CTNNA3: variants seen among roughly 807,000 people sequenced by gnomAD.
CTNNA3 encodes the protein catenin alpha-3.
A neutral mutation model predicts 95.7 loss-of-function variants in CTNNA3; 76 were observed. The observed-to-expected ratio is 0.79, with a 90% confidence interval of 0.66 to 0.96. The LOEUF (loss-of-function observed/expected upper bound fraction) is 0.96, where lower values mean the gene tolerates loss of function less well. Among genes scored for constraint, CTNNA3 ranks in the 40% least tolerant of loss-of-function variants. The probability of loss-of-function intolerance (pLI) is 0.00; values close to 1 mark genes in which losing one functional copy is unlikely to be tolerated. For missense variants in CTNNA3, 1,191 were observed against 1,089.8 expected, an observed-to-expected ratio of 1.09 and a Z score of -1.31; for synonymous variants, 431 against 374.4, an observed-to-expected ratio of 1.15 and a Z score of -1.74.
At chr10:66,447,915 G>C (rs760697816) in intron 11 of CTNNA3, among the ~76,000 whole-genome samples, 1 of 152,050 alleles carries the variant, frequency 6.6e-6, no homozygotes, top group African/African-American at 2.4e-5. Flanking sequence ...GAATATTTTC[G>C]CAACCTACTC....
chr10:66,389,963 T>C (rs2132526344), intron 11 of CTNNA3, among the ~76,000 whole-genome samples: 1 of 152,230 alleles, frequency 6.6e-6, no homozygotes, highest in East Asian at 1.9e-4. Context: ...ATCGACCTCC[T>C]CGCCTCAAGC....
At chr10:66,396,249 A>G (rs1409225183) in intron 11 of CTNNA3, among the ~76,000 whole-genome samples, 1 of 152,050 alleles carries the variant, frequency 6.6e-6, no homozygotes, top group Non-Finnish European at 1.5e-5. Context: ...CATATGCAGG[A>G]GCCAAAATCT....
At chr10:66,065,547 TG>T (rs2080296977) in intron 15 of CTNNA3, among the ~76,000 whole-genome samples, 2 of 152,196 alleles carry the variant, frequency 1.3e-5, no homozygotes, top group South Asian at 4.1e-4. Context: ...ATCTACTAAT[TG>T]CCAAACTAGT....
In CTNNA3 at chr10:67,576,704, C is replaced by T. The variant is rs886290732; in HGVS notation, c.292+30153G>A. 2.9e-5 allele frequency among the ~76,000 whole-genome samples: 3 copies of T among 102,292 alleles called. No individual in the cohort carries two copies. The Admixed American group carries it at 3.5e-4, about 12-fold the overall frequency. The allele number at this position is 102,292 out of a possible 152,430, so 67.1% of individuals were successfully genotyped here. A position where few individuals can be genotyped will look rare whatever the true frequency, so the allele number is the denominator to read the frequency against. On this transcript the variant is annotated intron_variant, in intron 3 of 17. Transcript: ENST00000433211. ...TATCTCCTAATGCTATCCCTCCCCC[C>T]TCCCCCCACCCCACAACAGTCCCCA...
At chr10:66,709,872 C>T (rs1848236122) in intron 9 of CTNNA3, among the ~76,000 whole-genome samples, 2 of 152,018 alleles carry the variant, frequency 1.3e-5, no homozygotes, top group African/African-American at 4.8e-5. Flanking sequence ...AATCAGAACC[C>T]TAATGTGTAA....
At chr10:67,473,321 T>G (rs74893527) in intron 5 of CTNNA3, among the ~76,000 whole-genome samples, 2,591 of 152,320 alleles carry the variant, frequency 0.017, 77 homozygotes, top group African/African-American at 0.057. Context: ...ACTCACTGTC[T>G]TCTATACTTG....
At chr10:67,526,805 C>T (rs905367360) in intron 4 of CTNNA3, among the ~76,000 whole-genome samples, 22 of 152,314 alleles carry the variant, frequency 1.4e-4, no homozygotes, top group African/African-American at 5.1e-4. Flanking sequence ...TCATTAAGAT[C>T]ATGACACCTT....
intron 5 of CTNNA3, among the ~76,000 whole-genome samples, chr10:67,419,292 A>G (rs1285823591): frequency 6.6e-6 from 1 of 151,968 alleles, no homozygotes; most frequent in African/African-American, 2.4e-5. Flanking sequence ...ATACAATAAC[A>G]TGCATTATCC....
chr10:66,012,360 AAAG>A (rs1306597563), intron 15 of CTNNA3, among the ~76,000 whole-genome samples: 3 of 152,184 alleles, frequency 2.0e-5, no homozygotes, highest in Non-Finnish European at 2.9e-5. Flanking sequence ...CTTGGAATTG[AAAG>A]AAGAAGTTAT....
At chr10:66,664,446 G>A (rs1428313876) in intron 9 of CTNNA3, among the ~76,000 whole-genome samples, 1 of 152,020 alleles carries the variant, frequency 6.6e-6, no homozygotes, top group African/African-American at 2.4e-5. Flanking sequence ...ATGAATATTG[G>A]TCCCATCTCC....
At chr10:65,976,633 T>G (rs1233016908) in intron 16 of CTNNA3, among the ~76,000 whole-genome samples, 2 of 152,160 alleles carry the variant, frequency 1.3e-5, no homozygotes, top group Non-Finnish European at 2.9e-5. Flanking sequence ...CTTATACTTA[T>G]AAAAGTTATT....
chr10:67,151,129 A>G lies in CTNNA3; in HGVS notation c.1047+29188T>C, dbSNP rs559419534. Among the ~76,000 whole-genome samples, 3 of 152,236 alleles carry G rather than the reference A, an allele frequency of 2.0e-5. No homozygotes were observed. The South Asian group carries it at 6.2e-4, about 32-fold the overall frequency. On this transcript the variant is annotated intron_variant, in intron 7 of 17. Transcript: ENST00000433211. ...ACTTTAAAAATTTTTTTTCAAGACC[A>G]TGTTTCCAATAGTGCTTGTTTTTCT...
chr10:67,541,197 G>A (rs1840674779), intron 3 of CTNNA3, among the ~76,000 whole-genome samples: 1 of 151,642 alleles, frequency 6.6e-6, no homozygotes, highest in Non-Finnish European at 1.5e-5. Flanking sequence ...GAGTCAAGGG[G>A]CAAATGAATT....
intron 9 of CTNNA3, among the ~76,000 whole-genome samples, chr10:66,656,332 A>G (rs1428601858): frequency 6.6e-6 from 1 of 152,168 alleles, no homozygotes; most frequent in Non-Finnish European, 1.5e-5. Context: ...TTAGAGTTTT[A>G]CATTATGTTT....
chr10:66,957,286 C>T (rs1057085397), intron 7 of CTNNA3, among the ~76,000 whole-genome samples: 4 of 151,286 alleles, frequency 2.6e-5, no homozygotes, highest in African/African-American at 9.7e-5. Context: ...TTACTATTTG[C>T]TCATTTATTA....
intron 1 of CTNNA3, among the ~76,000 whole-genome samples, chr10:67,719,591 T>C (rs1477143766): frequency 6.6e-6 from 1 of 152,214 alleles, no homozygotes; most frequent in Admixed American, 6.5e-5. Flanking sequence ...TTGTTCAGTT[T>C]CCATGTAGTT....
At chr10:67,400,862 G>T (rs1257473750) in intron 5 of CTNNA3, among the ~76,000 whole-genome samples, 1 of 152,058 alleles carries the variant, frequency 6.6e-6, no homozygotes, top group Non-Finnish European at 1.5e-5. Context: ...AAGAATATTA[G>T]AATTAAATTA....
intron 7 of CTNNA3, among the ~76,000 whole-genome samples, chr10:67,072,565 C>T (rs1310428752): frequency 2.0e-5 from 3 of 152,178 alleles, no homozygotes; most frequent in South Asian, 2.1e-4. Context: ...ACGTCTCAAG[C>T]CAACCAAGGA....
chr10:66,893,342 G>A lies in CTNNA3; in HGVS notation c.1048-117818C>T, dbSNP rs569293577. On this transcript the variant is annotated intron_variant, in intron 7 of 17. Coordinates refer to ENST00000433211, the MANE Select transcript of CTNNA3 (RefSeq NM_013266.4). Reference sequence around the variant, plus strand: ...TAAATAAACTAACAAGTGATCCCCAGAGAGAAGCTGTCTTAACAAGAATGT... The same window carrying A: ...TAAATAAACTAACAAGTGATCCCCAAAGAGAAGCTGTCTTAACAAGAATGT... 6.6e-5 allele frequency among the ~76,000 whole-genome samples: 10 copies of A among 152,140 alleles called. No homozygotes were observed. The East Asian group carries it at 1.9e-3, about 29-fold the overall frequency.
Sources: gnomAD v4.1 joint callset for allele counts (sites outside exome capture counted in the v4.1 genomes callset) on GRCh38, gnomAD v4.1.1 for gene constraint, MANE v1.5 for transcripts, NCBI Gene and HGNC (gene_info 2026-07-23, HGNC 2026-07-21) for gene names.